GRM5: variants seen among roughly 807,000 people sequenced by gnomAD.
The protein encoded by GRM5 is glutamate metabotropic receptor 5.
A neutral mutation model predicts 83.1 loss-of-function variants in GRM5; 19 were observed. The observed-to-expected ratio is 0.23, with a 90% CI of 0.16 to 0.34. The LOEUF is 0.34. Among genes scored for constraint, GRM5 ranks in the 10% least tolerant of loss-of-function variants. The pLI, the probability that GRM5 is intolerant of heterozygous loss-of-function variation, is 1.00. For synonymous variants in GRM5, 675 were observed against 633.6 expected (o/e 1.07, Z -0.98); for missense variants, 1,160 against 1,588.3 (o/e 0.73, Z 4.58).
At chr11:88,698,267 C>T (rs1940946839) in intron 3 of GRM5, among the ~76,000 whole-genome samples, 2 of 152,164 alleles carry the variant, frequency 1.3e-5, no homozygotes, top group African/African-American at 4.8e-5. Context: ...TTATGCCATG[C>T]TCTTGTTTGG....
intron 2 of GRM5, among the ~76,000 whole-genome samples, chr11:89,026,901 C>A (rs550462925): frequency 5.3e-5 from 8 of 152,224 alleles, no homozygotes; most frequent in East Asian, 1.9e-4. Context: ...TTTTAAGTAA[C>A]CCATGTGACG....
intron 3 of GRM5, among the ~76,000 whole-genome samples, chr11:88,692,624 A>G (rs1211176702): frequency 6.6e-6 from 1 of 152,220 alleles, no homozygotes; most frequent in Non-Finnish European, 1.5e-5. Flanking sequence ...TCATTGCTTC[A>G]GAAAAACTGT....
chr11:88,919,363 T>C (rs1945651307), intron 2 of GRM5, among the ~76,000 whole-genome samples: 2 of 149,414 alleles, frequency 1.3e-5, no homozygotes, highest in South Asian at 4.3e-4. Context: ...ATTTTAAATA[T>C]ATATGCGCCT....
At chr11:88,786,954 A>C (rs1943081977) in intron 3 of GRM5, among the ~76,000 whole-genome samples, 1 of 152,162 alleles carries the variant, frequency 6.6e-6, no homozygotes, top group African/African-American at 2.4e-5. Context: ...TGTATTATTC[A>C]GAATACACAG....
chr11:88,638,755 G>A (rs1393826421), intron 4 of GRM5, among the ~76,000 whole-genome samples: 1 of 152,038 alleles, frequency 6.6e-6, no homozygotes, highest in Non-Finnish European at 1.5e-5. Context: ...TCTAAATTAA[G>A]TCATAAAGTT....
chr11:88,770,581 CT>C (rs1942714261), intron 3 of GRM5, among the ~76,000 whole-genome samples: 1 of 151,914 alleles, frequency 6.6e-6, no homozygotes, highest in Admixed American at 6.6e-5. Flanking sequence ...TAAATAGTTC[CT>C]GTTTTAACCT....
intron 4 of GRM5, among the ~76,000 whole-genome samples, chr11:88,642,430 C>G (rs998118523): frequency 1.3e-5 from 2 of 152,118 alleles, no homozygotes; most frequent in African/African-American, 2.4e-5. Context: ...ACTTGGTTCC[C>G]TTTTAGTTGG....
intron 2 of GRM5, among the ~76,000 whole-genome samples, chr11:88,959,078 T>C (rs1197393541): frequency 6.6e-6 from 1 of 152,102 alleles, no homozygotes; most frequent in Admixed American, 6.6e-5. Context: ...AATAGAGATA[T>C]ATGGCATTTT....
chr11:88,697,868 T>G (rs1265301515), intron 3 of GRM5, among the ~76,000 whole-genome samples: 1 of 152,340 alleles, frequency 6.6e-6, no homozygotes, highest in African/African-American at 2.4e-5. Flanking sequence ...TTGGCACTAC[T>G]TCCATTCAAT....
chr11:88,859,629 C>T (rs1489380872), intron 2 of GRM5, among the ~76,000 whole-genome samples: 1 of 152,092 alleles, frequency 6.6e-6, no homozygotes, highest in East Asian at 1.9e-4. Flanking sequence ...TTTCAACCCT[C>T]ATTCTGTCAA....
At chr11:88,706,859 T>TA (rs1464204063) in intron 3 of GRM5, among the ~76,000 whole-genome samples, 1 of 152,094 alleles carries the variant, frequency 6.6e-6, no homozygotes, top group Admixed American at 6.6e-5. Flanking sequence ...AAGGAGGTGG[T>TA]ACTTAGTTAA....
Position 88,598,350 on chromosome 11 carries a change from T to G in GRM5, c.1395-998A>C, listed in dbSNP as rs977682668. On this transcript the variant is annotated intron_variant, in intron 5 of 9. Coordinates refer to ENST00000305447, the MANE Select transcript of GRM5 (RefSeq NM_001143831.3). ...AAACCAATGTTCTGTACAGAAATAC[T>G]GAGAACAAAACTGGCATCAATCTAT... Among the ~76,000 whole-genome samples, 7 of 152,296 alleles carry G rather than the reference T, an allele frequency of 4.6e-5. No individual in the cohort carries two copies. The East Asian group carries it at 1.3e-3, about 29-fold the overall frequency.
At chr11:88,853,717 A>G (rs2135544100) in intron 2 of GRM5, among the ~76,000 whole-genome samples, 1 of 151,818 alleles carries the variant, frequency 6.6e-6, no homozygotes, top group East Asian at 1.9e-4. Context: ...AAAAAAATAA[A>G]CTAGCATACT....
chr11:88,713,695 C>A (rs1048961206), intron 3 of GRM5, among the ~76,000 whole-genome samples: 8 of 151,904 alleles, frequency 5.3e-5, no homozygotes, highest in Non-Finnish European at 8.8e-5. Context: ...CATTTTTTCT[C>A]CAGTGGGAAA....
intron 4 of GRM5, among the ~76,000 whole-genome samples, chr11:88,645,597 A>G (rs1939422041): frequency 6.6e-6 from 1 of 152,138 alleles, no homozygotes; most frequent in Admixed American, 6.6e-5. Context: ...TTTTGTAGAC[A>G]TTGTAGAACC....
intron 7 of GRM5, among the ~76,000 whole-genome samples, chr11:88,581,565 G>T (rs529477701): frequency 6.6e-6 from 1 of 152,190 alleles, no homozygotes; most frequent in Non-Finnish European, 1.5e-5. Context: ...GCTGTACTTT[G>T]TTACACTACA....
chr11:88,999,229 T>C (rs1054167144), intron 2 of GRM5, among the ~76,000 whole-genome samples: 14 of 151,950 alleles, frequency 9.2e-5, no homozygotes, highest in Admixed American at 9.2e-4. Context: ...AAAGACAAAA[T>C]TGACAAATGG....
intron 7 of GRM5, among the ~76,000 whole-genome samples, chr11:88,570,405 A>G (rs192709958): frequency 3.5e-4 from 53 of 151,338 alleles, no homozygotes; most frequent in African/African-American, 1.3e-3. Flanking sequence ...ATATACCTAT[A>G]TCTGTATTTC....
In GRM5 at chr11:89,001,610, G is replaced by A. The variant is rs1162833393; in HGVS notation, c.661+45602C>T. ...CATGAAGGATCTTTGTGGTGGTGGA[G>A]CTGCTCTGTTCTTGACTGTATTAGT... is the stretch of plus-strand genomic sequence containing the variant. On this transcript the variant is annotated intron_variant, in intron 2 of 9. Coordinates refer to ENST00000305447, the MANE Select transcript of GRM5 (RefSeq NM_001143831.3). Among the ~76,000 whole-genome samples, 5 of 152,210 alleles carry A rather than the reference G, an allele frequency of 3.3e-5. No homozygotes were observed. The East Asian group carries it at 7.7e-4, about 24-fold the overall frequency.
Sources: allele counts gnomAD v4.1 joint callset (sites outside exome capture counted in the v4.1 genomes callset), GRCh38; gene constraint gnomAD v4.1.1; transcripts MANE v1.5; gene names NCBI Gene and HGNC (gene_info 2026-07-23, HGNC 2026-07-21).